ADIPOR2: variants seen among roughly 807,000 people sequenced by gnomAD.
The protein encoded by ADIPOR2 is adiponectin receptor protein 2.
Under a neutral mutation model 40.9 loss-of-function variants are expected in ADIPOR2, and 18 were observed. That is an observed-to-expected ratio of 0.44 (90% CI 0.30 to 0.65). ADIPOR2 has a LOEUF of 0.65. Among genes scored for constraint, ADIPOR2 ranks in the 30% least tolerant of loss-of-function variants. The probability of loss-of-function intolerance (pLI) is 0.09; values close to 1 mark genes in which losing one functional copy is unlikely to be tolerated. For missense variants in ADIPOR2, 283 were observed against 479.2 expected (o/e 0.59, Z 3.82); for synonymous variants, 165 against 166.4 (o/e 0.99, Z 0.06).
chr12:1,715,687 GA>G (rs2094686093), intron 1 of ADIPOR2, among the ~76,000 whole-genome samples: 1 of 152,180 alleles, frequency 6.6e-6, no homozygotes. Flanking sequence ...GTCCTGTTTA[GA>G]GGGGGGATTG....
chr12:1,691,660 G>A (rs965866918), intron 1 of ADIPOR2, among the ~76,000 whole-genome samples: 3 of 152,198 alleles, frequency 2.0e-5, no homozygotes, highest in South Asian at 2.1e-4. Flanking sequence ...CAGTGACTGG[G>A]GTGGGGAAGA....
At chr12:1,695,663 C>CA (rs34987467) in intron 1 of ADIPOR2, among the ~76,000 whole-genome samples, 20,099 of 108,982 alleles carry the variant, frequency 0.18, 2,545 homozygotes, top group African/African-American at 0.37. Context: ...AACTCCATCT[C>CA]AAAAAAAAAA....
chr12:1,700,174 A>G (rs1016644719), intron 1 of ADIPOR2, among the ~76,000 whole-genome samples: 42 of 152,232 alleles, frequency 2.8e-4, no homozygotes, highest in African/African-American at 9.9e-4. Flanking sequence ...AACACAAAGC[A>G]TATGGTCTTA....
At chr12:1,741,345 T>C (rs941379396) in intron 1 of ADIPOR2, among the ~76,000 whole-genome samples, 1 of 152,058 alleles carries the variant, frequency 6.6e-6, no homozygotes, top group African/African-American at 2.4e-5. Flanking sequence ...GCTAAGATCA[T>C]GGCAGGGAAG....
intron 1 of ADIPOR2, among the ~76,000 whole-genome samples, chr12:1,733,565 C>T (rs2094724658): frequency 6.6e-6 from 1 of 152,094 alleles, no homozygotes; most frequent in Non-Finnish European, 1.5e-5. Flanking sequence ...CATACATTTA[C>T]AGGTTTGGAA....
intron 1 of ADIPOR2, among the ~76,000 whole-genome samples, chr12:1,753,728 G>A (rs1862052118): frequency 6.6e-6 from 1 of 152,054 alleles, no homozygotes; most frequent in South Asian, 2.1e-4. Context: ...ACCCTGTGGG[G>A]TCATTGTGAT....
rs79895019 is a variant in ADIPOR2, at chr12:1,700,592, C to T, written c.-87+9401C>T. ...TCTTTTCCCAAGTGACAGCATAATTCAATGACTAAGAATAAAAATTGGGTT... is the reference window on the plus strand; with the variant it reads ...TCTTTTCCCAAGTGACAGCATAATTTAATGACTAAGAATAAAAATTGGGTT... On this transcript the variant is annotated intron_variant, in intron 1 of 7. Transcript: ENST00000357103. Among the ~76,000 whole-genome samples, 147 of 152,148 alleles carry T rather than the reference C, an allele frequency of 9.7e-4. 1 individual carries two copies. In the East Asian group the frequency reaches 0.025, roughly 26 times the overall value.
chr12:1,779,656 T>C (rs1040832363), intron 4 of ADIPOR2, among the ~76,000 whole-genome samples: 5 of 152,244 alleles, frequency 3.3e-5, no homozygotes, highest in African/African-American at 1.2e-4. Flanking sequence ...GCATTTCTTA[T>C]CACACATTTG....
chr12:1,781,798 C>G (rs1461922654), intron 6 of ADIPOR2, among the ~76,000 whole-genome samples: 1 of 152,094 alleles, frequency 6.6e-6, no homozygotes, highest in African/African-American at 2.4e-5. Context: ...AAATCTAAAC[C>G]CTGGATCATC....
intron 1 of ADIPOR2, among the ~76,000 whole-genome samples, chr12:1,726,372 A>G (rs1374400001): frequency 6.6e-6 from 1 of 151,970 alleles, no homozygotes; most frequent in Admixed American, 6.6e-5. Context: ...TAATTTTTGT[A>G]TTTTTAGTAG....
chr12:1,715,292 T>A (rs1284639221), intron 1 of ADIPOR2, among the ~76,000 whole-genome samples: 2 of 152,228 alleles, frequency 1.3e-5, no homozygotes, highest in African/African-American at 4.8e-5. Flanking sequence ...GTATTGTAAT[T>A]TATATTTCCC....
At chr12:1,698,339 C>G (rs956141017) in intron 1 of ADIPOR2, among the ~76,000 whole-genome samples, 1 of 152,070 alleles carries the variant, frequency 6.6e-6, no homozygotes, top group Non-Finnish European at 1.5e-5. Flanking sequence ...AAACAGTCCT[C>G]CCAACTGAGA....
In ADIPOR2 at chr12:1,746,109, T is replaced by C. The variant is rs538422440; in HGVS notation, c.-86-8149T>C. On this transcript the variant is annotated intron_variant, in intron 1 of 7. Coordinates refer to ENST00000357103, the MANE Select transcript of ADIPOR2 (RefSeq NM_024551.3). ...ATGATCTATTTTAGGTCTAAGGACA[T>C]GTATAGGTTGAAAGTGAAAGGACTG... 8.5e-5 allele frequency among the ~76,000 whole-genome samples: 13 copies of C among 152,216 alleles called. 1 individual carries two copies. In the South Asian group the frequency reaches 2.3e-3, roughly 27 times the overall value.
intron 1 of ADIPOR2, among the ~76,000 whole-genome samples, chr12:1,742,281 C>T (rs552241196): frequency 2.6e-5 from 4 of 152,282 alleles, no homozygotes; most frequent in Admixed American, 1.3e-4. Flanking sequence ...TTTGTAGAGA[C>T]GGAGTCTTGC....
intron 1 of ADIPOR2, among the ~76,000 whole-genome samples, chr12:1,738,791 T>C (rs944989815): frequency 6.6e-5 from 10 of 152,200 alleles, no homozygotes; most frequent in Non-Finnish European, 1.5e-4. Context: ...CCATTTTGGA[T>C]ATTTTTCTCT....
intron 4 of ADIPOR2, chr12:1,778,237 A>C (rs1015620967): frequency 2.4e-5 from 12 of 495,802 alleles, no homozygotes; most frequent in Non-Finnish European, 3.6e-5. Context: ...ATTTCTTTCT[A>C]CTAGATTTTC....
intron 2 of ADIPOR2, among the ~76,000 whole-genome samples, chr12:1,764,558 A>AACACACACACACACACACACACACAC (rs59660682): frequency 8.4e-6 from 1 of 118,998 alleles, no homozygotes; most frequent in African/African-American, 3.7e-5. Flanking sequence ...TAAAGTATTA[A>AACACACACACACACACACACACACAC]ACACACACAC....
At chr12:1,744,184 G>A (rs1484568113) in intron 1 of ADIPOR2, among the ~76,000 whole-genome samples, 1 of 151,088 alleles carries the variant, frequency 6.6e-6, no homozygotes, top group Non-Finnish European at 1.5e-5. Flanking sequence ...TTAGCTCACT[G>A]CAAGCTCTGC....
chr12:1,783,828 T>C, intron 6 of ADIPOR2, 52 bp from the exon 7 acceptor site: 2 of 1,444,990 alleles, frequency 1.4e-6, no homozygotes, highest in South Asian at 1.4e-5. Flanking sequence ...TACTGACTTC[T>C]GGCTCTTTGT....
Sources: allele counts gnomAD v4.1 joint callset (sites outside exome capture counted in the v4.1 genomes callset), GRCh38; gene constraint gnomAD v4.1.1; transcripts MANE v1.5; gene names NCBI Gene and HGNC (gene_info 2026-07-23, HGNC 2026-07-21).